The following TIPARP variants were observed in gnomAD, a reference collection of about 807,000 sequenced individuals.
TIPARP encodes the protein TCDD inducible poly(ADP-ribose) polymerase, also known as protein mono-ADP-ribosyltransferase TIPARP.
TIPARP carries 12 observed loss-of-function variants against 56.5 expected under a neutral mutation model. The observed-to-expected ratio is 0.21, with a 90% CI of 0.14 to 0.34. The LOEUF (loss-of-function observed/expected upper bound fraction) is 0.34, where lower values mean the gene tolerates loss of function less well. Ranked by LOEUF, TIPARP falls within the 10% of genes least tolerant of loss-of-function variation. TIPARP has a pLI of 1.00. For synonymous variants in TIPARP, 296 were observed against 265.7 expected, an observed-to-expected ratio of 1.11 and a Z score of -1.11; for missense variants, 604 against 781.6, an observed-to-expected ratio of 0.77 and a Z score of 2.71.
chr3:156,702,450 T>C (rs1176314515), intron 4 of TIPARP, among the ~76,000 whole-genome samples: 1 of 152,220 alleles, frequency 6.6e-6, no homozygotes, highest in Non-Finnish European at 1.5e-5. Context: ...AGCTATGCTC[T>C]TTGGAGATGA....
intron 2 of TIPARP, among the ~76,000 whole-genome samples, chr3:156,691,958 T>C (rs536022664): frequency 2.6e-5 from 4 of 152,300 alleles, no homozygotes; most frequent in South Asian, 2.1e-4. Context: ...GTCTTTCTCA[T>C]GCAAATCATT....
rs183412441 is a variant in TIPARP at position 156,701,638 on chromosome 3, A to T, written c.1248-1786A>T. On this transcript the variant is annotated intron_variant, in intron 4 of 5. Transcript: ENST00000295924. ...ATTTGAGAATCTGATTAAAGCAGTC[A>T]GACCTCTCTTCAGGAAAGTGTACCA... Among the ~76,000 whole-genome samples, 224 of 152,354 alleles carry T rather than the reference A, an allele frequency of 1.5e-3. 1 individual carries two copies. Among genetic ancestry groups the T allele is most frequent in the African/African-American group, 5.1e-3 (213 of 41,600 alleles).
In TIPARP at chr3:156,687,074, C is replaced by A. The variant is rs149758119; in HGVS notation, c.918-6946C>A. ...TACTCTTTATAAAAATCAGTGATTG[C>A]ATAATTTAAGGTAGTATAAGGCATG... On this transcript the variant is annotated intron_variant, in intron 2 of 5. Coordinates refer to ENST00000295924, the MANE Select transcript of TIPARP (RefSeq NM_015508.5). Among the ~76,000 whole-genome samples, 553 of 152,238 alleles carry A rather than the reference C, an allele frequency of 3.6e-3. 3 individuals carry two copies. The highest frequency in any genetic ancestry group is 0.013 in the African/African-American group (535 of 41,538).
chr3:156,695,872 T>C lies in TIPARP; in HGVS notation c.1094T>C (p.Ile365Thr). The change falls in exon 4 of 6, where the codon ATT becomes ACT. Residue 365 changes from isoleucine (I) to threonine (T), a missense_variant. Physicochemically the swap from Ile to Thr is moderately conservative, Grantham distance 89 (BLOSUM62 -1). Around this residue, in one of 4 missense-constraint regions of TIPARP, gnomAD observed 252 missense variants for 303.9 expected, o/e 0.83. Coordinates refer to ENST00000295924, the MANE Select transcript of TIPARP (RefSeq NM_015508.5). Reference sequence around the variant, plus strand: ...CTGTTTTCTCCTCCATAGTCTGTCATTCGATTGATTGAAGAAGCCAACTCT... The same window carrying C: ...CTGTTTTCTCCTCCATAGTCTGTCACTCGATTGATTGAAGAAGCCAACTCT... ...FGWREYPESV[I>T]RLIEEANSRG... The C allele has an allele frequency of 1.3e-6, 2 of 1,567,466 alleles. No individual in the cohort carries two copies. The highest frequency in any genetic ancestry group is 8.6e-7 in the Non-Finnish European group (1 of 1,161,018).
At position 156,705,118 on chromosome 3, in the gene TIPARP, C is replaced by T; in HGVS notation, c.1961C>T (p.Thr654Ile). 6.8e-7 allele frequency: 1 copy of T among 1,467,822 alleles called. No homozygotes were observed. The highest frequency in any genetic ancestry group is 1.2e-5 in the South Asian group (1 of 84,752). 90.9% of individuals were successfully genotyped at this position (1,467,822 alleles called of 1,614,324 possible). A position where few individuals can be genotyped will look rare whatever the true frequency, so the allele number is the denominator to read the frequency against. ...ATCCAATATGAAGAAGTCAGTAACA[C>T]TGTTTCCATTTGAAAAATCTTGGTA... The part of the protein sequence containing the change: ...FVIQYEEVSN[T>I]VSI The change falls in exon 6 of 6, where the codon ACT becomes ATT. Residue 654 changes from threonine (T) to isoleucine (I), a missense_variant. Around this residue, in one of 4 missense-constraint regions of TIPARP, gnomAD observed 77 missense variants for 161.0 expected, o/e 0.48. Coordinates refer to ENST00000295924, the MANE Select transcript of TIPARP (RefSeq NM_015508.5).
At chr3:156,677,136 G>T (rs1722150005) in intron 1 of TIPARP, among the ~76,000 whole-genome samples, 1 of 152,098 alleles carries the variant, frequency 6.6e-6, no homozygotes, top group South Asian at 2.1e-4. Flanking sequence ...CCTGTTACTT[G>T]TGTATGTTCT....
At chr3:156,680,550 A>G (rs1441127030) in intron 2 of TIPARP, among the ~76,000 whole-genome samples, 2 of 152,194 alleles carry the variant, frequency 1.3e-5, no homozygotes, top group Non-Finnish European at 2.9e-5. Flanking sequence ...GTACTTCAGC[A>G]TCTTGGTACA....
chr3:156,678,036 T>C lies in TIPARP; in HGVS notation c.339T>C (p.Asp113=). Residue 113 remains aspartate (D), a synonymous_variant, in exon 2 of 6, where the codon GAT becomes GAC. Coordinates refer to ENST00000295924, the MANE Select transcript of TIPARP (RefSeq NM_015508.5). ...AENNMSVLIP[D]RTNVGDQIPE... Reference sequence around the variant, plus strand: ...ATAATATGTCTGTTCTGATTCCTGATAGGACAAATGTTGGGGACCAGATAC... The same window carrying C: ...ATAATATGTCTGTTCTGATTCCTGACAGGACAAATGTTGGGGACCAGATAC... 1 of 1,614,108 alleles carries C rather than the reference T, an allele frequency of 6.2e-7. No homozygotes were observed. The highest frequency in any genetic ancestry group is 1.1e-5 in the South Asian group (1 of 91,086).
rs1456417021 is a variant in TIPARP at position 156,705,305 on chromosome 3, A to G, written c.*174A>G. On this transcript the variant is annotated 3_prime_UTR_variant, in exon 6 of 6. Transcript: ENST00000295924. ...TTTAAAAAAAAAATACAAGTTTTAA[A>G]ATGACCACTTACTCTTTAATTATTT... The G allele has an allele frequency of 7.2e-6, 4 of 555,742 alleles. No homozygotes were observed. The highest frequency in any genetic ancestry group is 2.5e-5 in the South Asian group (1 of 40,012). 34.4% of individuals were successfully genotyped at this position (555,742 alleles called of 1,614,324 possible). A position where few individuals can be genotyped will look rare whatever the true frequency, so the allele number is the denominator to read the frequency against.
chr3:156,702,794 G>A (rs1265113545), intron 4 of TIPARP, among the ~76,000 whole-genome samples: 1 of 152,178 alleles, frequency 6.6e-6, no homozygotes, highest in Admixed American at 6.5e-5. Context: ...CTGGTATCTA[G>A]AGTTTATAGT....
Position 156,705,214 on chromosome 3 carries a change from G to GC in TIPARP, c.*83_*84insC. ...TTTTGAATGGGTGGGACTGGGTGGG[G>GC]AACAGCATTGGACATTAATAGGGCA... On this transcript the variant is annotated 3_prime_UTR_variant, in exon 6 of 6. Transcript: ENST00000295924. The GC allele has an allele frequency of 2.1e-6, 1 of 479,656 alleles. No homozygotes were observed. Among genetic ancestry groups the GC allele is most frequent in the Non-Finnish European group, 3.8e-6 (1 of 266,146 alleles). 29.7% of individuals were successfully genotyped at this position (479,656 alleles called of 1,614,324 possible). A position where few individuals can be genotyped will look rare whatever the true frequency, so the allele number is the denominator to read the frequency against.
chr3:156,698,735 G>A (rs1409976462), intron 4 of TIPARP, among the ~76,000 whole-genome samples: 1 of 152,196 alleles, frequency 6.6e-6, no homozygotes, highest in East Asian at 1.9e-4. Context: ...CACTTATCAA[G>A]TAGTCATTCT....
At chr3:156,699,319 TGAAAG>T (rs1232082358) in intron 4 of TIPARP, among the ~76,000 whole-genome samples, 1 of 152,224 alleles carries the variant, frequency 6.6e-6, no homozygotes, top group Non-Finnish European at 1.5e-5. Flanking sequence ...AAATCTTTCA[TGAAAG>T]GAAGGGTCAA....
At chr3:156,682,072 G>T (rs1459866882) in intron 2 of TIPARP, among the ~76,000 whole-genome samples, 2 of 152,136 alleles carry the variant, frequency 1.3e-5, no homozygotes, top group Non-Finnish European at 2.9e-5. Context: ...TATGGAGGTT[G>T]TGCAAATCTC....
At chr3:156,704,377 T>A (rs986934788) in intron 5 of TIPARP, among the ~76,000 whole-genome samples, 1 of 152,144 alleles carries the variant, frequency 6.6e-6, no homozygotes, top group Admixed American at 6.5e-5. Flanking sequence ...ATTTCAGGAA[T>A]CTCAGAATCT....
At chr3:156,683,905 A>G (rs779310347) in intron 2 of TIPARP, among the ~76,000 whole-genome samples, 4 of 152,158 alleles carry the variant, frequency 2.6e-5, no homozygotes, top group African/African-American at 4.8e-5. Flanking sequence ...CTGATTTGAG[A>G]CCACCAGATT....
intron 4 of TIPARP, among the ~76,000 whole-genome samples, chr3:156,700,442 A>G (rs986545719): frequency 3.9e-5 from 6 of 152,182 alleles, no homozygotes; most frequent in African/African-American, 1.4e-4. Context: ...AGGATAAAAA[A>G]AAAATAGGTG....
intron 4 of TIPARP, 128 bp from the exon 5 acceptor site, chr3:156,703,296 T>TA: frequency 1.0e-6 from 1 of 1,004,396 alleles, no homozygotes; most frequent in Non-Finnish European, 1.4e-6. Context: ...TAGCATTTTT[T>TA]ACTTTTAAAA....
In TIPARP at chr3:156,701,017, T is replaced by C. The variant is rs143695020; in HGVS notation, c.1248-2407T>C. The stretch of plus-strand genomic sequence containing the variant: ...CACATTTGTAACTGCGCTTGAAACA[T>C]ATTTTTTTAACCCATGGCTATTAGA... On this transcript the variant is annotated intron_variant, in intron 4 of 5. Transcript: ENST00000295924. 5.1e-3 allele frequency among the ~76,000 whole-genome samples: 774 copies of C among 152,352 alleles called. 5 individuals carry two copies. Among genetic ancestry groups the C allele is most frequent in the Non-Finnish European group, 5.0e-3 (338 of 68,038 alleles).
Sources: gnomAD v4.1 joint callset for allele counts (sites outside exome capture counted in the v4.1 genomes callset) on GRCh38, gnomAD v4.1.1 for gene constraint, gnomAD v4.1.1 regional missense constraint, MANE v1.5 for transcripts, NCBI Gene and HGNC (gene_info 2026-07-23, HGNC 2026-07-21) for gene names.